The following ANTXR2 variants were observed in gnomAD, a reference collection of about 807,000 sequenced individuals.
ANTXR2 encodes anthrax toxin receptor 2.
A neutral mutation model predicts 73.7 loss-of-function variants in ANTXR2; 44 were observed. The ratio of observed to expected loss-of-function variants is 0.60; its 90% CI spans 0.47 to 0.77. The LOEUF is 0.77. Among genes scored for constraint, ANTXR2 ranks in the 30% least tolerant of loss-of-function variants. ANTXR2 has a pLI of 0.00. For synonymous variants in ANTXR2, 217 were observed against 205.9 expected (o/e 1.05, Z -0.46); for missense variants, 604 against 592.5 (o/e 1.02, Z -0.20).
rs147338006 is a variant in ANTXR2, at chr4:79,947,854, T to C, written c.1428+29767A>G. On this transcript the variant is annotated intron_variant, in intron 16 of 16. Transcript: ENST00000403729. ...ACAAATATAGATTTGAATAAGCCCA[T>C]GTAAAAACAGATTTTGGCCCTACCT... Among the ~76,000 whole-genome samples, 676 of 152,282 alleles carry C rather than the reference T, an allele frequency of 4.4e-3. 5 individuals carry two copies. Among genetic ancestry groups the C allele is most frequent in the African/African-American group, 0.015 (632 of 41,548 alleles).
intron 16 of ANTXR2, among the ~76,000 whole-genome samples, chr4:79,936,578 G>A (rs1159666991): frequency 2.6e-5 from 4 of 152,000 alleles, no homozygotes; most frequent in Non-Finnish European, 5.9e-5. Context: ...ATTCCTGATG[G>A]GAGAAATTAG....
intron 10 of ANTXR2, chr4:80,024,673 G>C (rs998031194): frequency 6.6e-6 from 3 of 452,278 alleles, no homozygotes; most frequent in East Asian, 7.1e-5. Context: ...GAAGTAGGAG[G>C]ATCACCTGAG....
At chr4:80,040,765 C>T (rs72655030) in intron 7 of ANTXR2, among the ~76,000 whole-genome samples, 254 of 10,034 alleles carry the variant, frequency 0.025, no homozygotes, top group African/African-American at 0.063. Flanking sequence ...CACACACATA[C>T]ACACACACAC....
intron 13 of ANTXR2, 112 bp from the exon 14 acceptor site, chr4:79,984,082 A>G: frequency 1.3e-6 from 1 of 752,984 alleles, no homozygotes; most frequent in Non-Finnish European, 2.1e-6. Context: ...CTATGGAAAA[A>G]ACTATGTATA....
rs1394462497 is a variant in ANTXR2 at position 79,903,076 on chromosome 4, G to C, written c.*4353C>G. On this transcript the variant is annotated 3_prime_UTR_variant, in exon 17 of 17. Coordinates refer to ENST00000403729, the MANE Select transcript of ANTXR2 (RefSeq NM_058172.6). ...AGGGATGAGAATCACTTGAACCCAG[G>C]AAGAGGAGGTTACAGTCAGCCCAGA... The C allele has an allele frequency of 6.6e-6, 1 of 151,304 alleles. No homozygotes were observed. Among genetic ancestry groups the C allele is most frequent in the Non-Finnish European group, 1.5e-5 (1 of 68,014 alleles). 9.4% of individuals were successfully genotyped at this position (151,304 alleles called of 1,614,324 possible).
rs755506469 is a variant in ANTXR2 at position 80,055,360 on chromosome 4, C to A, written c.486G>T (p.Glu162Asp). The stretch of plus-strand genomic sequence containing the variant: ...AGAACAGTCTCAGTTCAATACTCAC[C>A]TCTTTCTCTGCATATGATGGCACCA... ...DGLVPSYAEKEAKISRSLGAS... is the reference protein window; with the variant it reads ...DGLVPSYAEKDAKISRSLGAS... The change falls in exon 5 of 17, where the codon GAG becomes GAT. Residue 162 changes from glutamate to aspartate, a missense_variant and splice_region_variant. Transcript: ENST00000403729. The A allele has an allele frequency of 6.2e-7, 1 of 1,608,496 alleles. No homozygotes were observed. Among genetic ancestry groups the A allele is most frequent in the Non-Finnish European group, 8.5e-7 (1 of 1,176,356 alleles).
intron 11 of ANTXR2, among the ~76,000 whole-genome samples, chr4:80,011,290 T>C (rs966216348): frequency 2.0e-5 from 3 of 151,456 alleles, no homozygotes; most frequent in Non-Finnish European, 4.4e-5. Flanking sequence ...TATCTATCTA[T>C]CTATCTATCT....
rs2109920212 is a variant in ANTXR2, at chr4:79,905,439, A to C, written c.*1990T>G. ...ACTTGCATATGCAGCTACTGCCAAT[A>C]GTATCATCTGTGAACATGAGGGACA... On this transcript the variant is annotated 3_prime_UTR_variant, in exon 17 of 17. Coordinates refer to ENST00000403729, the MANE Select transcript of ANTXR2 (RefSeq NM_058172.6). 1 of 152,328 alleles carries C rather than the reference A, an allele frequency of 6.6e-6. No homozygotes were observed. The highest frequency in any genetic ancestry group is 1.9e-4 in the East Asian group (1 of 5,182). The allele number at this position is 152,328 out of a possible 1,614,324, so 9.4% of individuals were successfully genotyped here.
intron 11 of ANTXR2, among the ~76,000 whole-genome samples, chr4:80,015,751 G>A (rs917504725): frequency 1.6e-4 from 24 of 147,092 alleles, no homozygotes; most frequent in African/African-American, 5.5e-4. Context: ...ATATGAGGAA[G>A]GAAAAGAAAG....
Position 79,984,799 on chromosome 4 carries a change from T to C in ANTXR2, c.1086+20A>G. The C allele has an allele frequency of 6.2e-7, 1 of 1,600,366 alleles. No individual in the cohort carries two copies. The highest frequency in any genetic ancestry group is 8.5e-7 in the Non-Finnish European group (1 of 1,170,978). The stretch of plus-strand genomic sequence containing the variant: ...TGGAAAAAAAAAACAGCCATATCAG[T>C]TTTTTAGGCACTCACTTACCTCTTT... On this transcript the variant is annotated intron_variant, in intron 13 of 16. Coordinates refer to ENST00000403729, the MANE Select transcript of ANTXR2 (RefSeq NM_058172.6).
chr4:80,014,147 C>T (rs1473252616), intron 11 of ANTXR2, among the ~76,000 whole-genome samples: 3 of 152,076 alleles, frequency 2.0e-5, no homozygotes, highest in Non-Finnish European at 4.4e-5. Context: ...TCTCTTATTT[C>T]TTCACTTACT....
At chr4:79,989,960 T>C (rs1730384859) in intron 12 of ANTXR2, among the ~76,000 whole-genome samples, 1 of 149,698 alleles carries the variant, frequency 6.7e-6, no homozygotes, top group African/African-American at 2.4e-5. Context: ...CTCAACAAAC[T>C]AGGCATCAAA....
chr4:80,053,485 C>T (rs1224926238), intron 7 of ANTXR2, among the ~76,000 whole-genome samples: 1 of 151,616 alleles, frequency 6.6e-6, no homozygotes, highest in Admixed American at 6.6e-5. Context: ...AATCCCAGAA[C>T]CAAATGTTAG....
chr4:80,049,163 T>C (rs897263834), intron 7 of ANTXR2, among the ~76,000 whole-genome samples: 2 of 151,752 alleles, frequency 1.3e-5, no homozygotes, highest in African/African-American at 2.4e-5. Flanking sequence ...TAGTGAAACA[T>C]CCCATGGTCC....
intron 16 of ANTXR2, among the ~76,000 whole-genome samples, chr4:79,926,893 G>GCATATATGTGTA (rs1727804939): frequency 4.0e-4 from 49 of 121,758 alleles, no homozygotes; most frequent in African/African-American, 1.4e-3. Flanking sequence ...ATATATGTGT[G>GCATATATGTGTA]TATATACACA....
In ANTXR2 at chr4:80,033,068, G is replaced by T. The variant is rs72655026; in HGVS notation, c.796+404C>A. On this transcript the variant is annotated intron_variant, in intron 9 of 16. Transcript: ENST00000403729. ...TGAAGATAATTAGATTTTAAGGCAG[G>T]TGTGACAAGAAAGAAGCCTGAGGAA... Among the ~76,000 whole-genome samples, 1,008 of 151,912 alleles carry T rather than the reference G, an allele frequency of 6.6e-3. 14 individuals are homozygous for T. The highest frequency in any genetic ancestry group is 5.6e-3 in the Non-Finnish European group (377 of 67,796).
At chr4:79,981,705 T>C (rs1729898467) in intron 14 of ANTXR2, among the ~76,000 whole-genome samples, 1 of 152,206 alleles carries the variant, frequency 6.6e-6, no homozygotes, top group South Asian at 2.1e-4. Context: ...TCAACGTGTA[T>C]CGTGTTTCCC....
chr4:80,026,950 C>T (rs1489362231), intron 10 of ANTXR2, among the ~76,000 whole-genome samples: 2 of 151,990 alleles, frequency 1.3e-5, no homozygotes, highest in Non-Finnish European at 2.9e-5. Context: ...GAACTTATCA[C>T]ATTGATAGAT....
chr4:80,068,753 CAG>C (rs1413846834), intron 3 of ANTXR2, among the ~76,000 whole-genome samples: 2 of 152,108 alleles, frequency 1.3e-5, no homozygotes, highest in Non-Finnish European at 2.9e-5. Flanking sequence ...GCCTGGGCAA[CAG>C]AGAGAGACTC....
Sources: allele counts gnomAD v4.1 joint callset (sites outside exome capture counted in the v4.1 genomes callset), GRCh38; gene constraint gnomAD v4.1.1; transcripts MANE v1.5; gene names NCBI Gene and HGNC (gene_info 2026-07-23, HGNC 2026-07-21).